SACS: variants seen among roughly 807,000 people sequenced by gnomAD.
SACS encodes sacsin.
A neutral mutation model predicts 348.0 loss-of-function variants in SACS; 197 were observed. The observed-to-expected ratio is 0.57, with a 90% confidence interval of 0.50 to 0.64. SACS has a LOEUF of 0.64. Among genes scored for constraint, SACS ranks in the 30% least tolerant of loss-of-function variants. SACS has a pLI of 0.00. For synonymous variants in SACS, 1,985 were observed against 1,910.6 expected (o/e 1.04, Z -1.02); for missense variants, 4,999 against 5,360.8 (o/e 0.93, Z 2.11).
At position 23,336,650 on chromosome 13, in the gene SACS, T is replaced by G; in HGVS notation, c.7226A>C (p.Gln2409Pro). The G allele has an allele frequency of 6.2e-7, 1 of 1,613,878 alleles. No homozygotes were observed. The highest frequency in any genetic ancestry group is 8.5e-7 in the Non-Finnish European group (1 of 1,179,898). ...DFALVLESID[Q>P]ERGTKQITEE... is the part of the protein sequence containing the mutation. ...TGTTATTTGCTTTGTTCCTCTTTCT[T>G]GATCAATAGATTCCAAAACAAGAGC... The change falls in exon 10 of 10, where the codon CAA becomes CCA. Residue 2409 changes from glutamine (Q) to proline (P), a missense_variant. Coordinates refer to ENST00000382292, the MANE Select transcript of SACS (RefSeq NM_014363.6).
chr13:23,368,894 T>C (rs1871216612), intron 4 of SACS, among the ~76,000 whole-genome samples: 2 of 152,008 alleles, frequency 1.3e-5, no homozygotes, highest in African/African-American at 4.8e-5. Context: ...AGAGATGGGG[T>C]TTCACCATGT....
intron 6 of SACS, among the ~76,000 whole-genome samples, chr13:23,362,375 G>A (rs572377075): frequency 6.6e-6 from 1 of 152,162 alleles, no homozygotes; most frequent in East Asian, 1.9e-4. Flanking sequence ...ATATAAAAAT[G>A]AATAAAAATA....
At chr13:23,354,462 G>A (rs1870184656) in intron 8 of SACS, 57 bp downstream of exon 8, 8 of 1,449,498 alleles carry the variant, frequency 5.5e-6, no homozygotes, top group East Asian at 2.3e-5. Context: ...CTCTCACAGT[G>A]AGCAGGAGCA....
intron 2 of SACS, among the ~76,000 whole-genome samples, chr13:23,390,855 T>C (rs1010078770): frequency 6.6e-6 from 1 of 152,220 alleles, no homozygotes. Flanking sequence ...TCATGTGTTG[T>C]CATGCCCCTC....
chr13:23,432,398 T>G (rs1440054978), intron 1 of SACS, among the ~76,000 whole-genome samples: 1 of 152,006 alleles, frequency 6.6e-6, no homozygotes, highest in Admixed American at 6.6e-5. Flanking sequence ...AAGAAAAAAT[T>G]GCCCAAACAG....
chr13:23,352,013 T>C (rs1222418121), intron 9 of SACS, among the ~76,000 whole-genome samples: 1 of 152,174 alleles, frequency 6.6e-6, no homozygotes, highest in Non-Finnish European at 1.5e-5. Flanking sequence ...CCTAAAAATA[T>C]AACAGGTTTG....
At chr13:23,409,385 T>A (rs1232902478) in intron 2 of SACS, among the ~76,000 whole-genome samples, 2 of 136,062 alleles carry the variant, frequency 1.5e-5, no homozygotes, top group Non-Finnish European at 3.1e-5. Context: ...AAACATGGTG[T>A]TTCACTCTTG....
chr13:23,350,002 C>T (rs1258201207), intron 9 of SACS, among the ~76,000 whole-genome samples: 1 of 152,048 alleles, frequency 6.6e-6, no homozygotes, highest in Non-Finnish European at 1.5e-5. Flanking sequence ...AGGAAGGAGC[C>T]CCCACACTAA....
At chr13:23,429,588 C>T (rs1326647794) in intron 1 of SACS, among the ~76,000 whole-genome samples, 3 of 151,734 alleles carry the variant, frequency 2.0e-5, no homozygotes, top group Non-Finnish European at 2.9e-5. Flanking sequence ...TGGTCTCGAT[C>T]TCCTGACCTC....
At chr13:23,360,305 T>C (rs1009336188) in intron 6 of SACS, among the ~76,000 whole-genome samples, 1 of 151,812 alleles carries the variant, frequency 6.6e-6, no homozygotes. Flanking sequence ...TTAAATATCT[T>C]GTTCCTACCC....
At chr13:23,401,068 G>C (rs974037196) in intron 2 of SACS, among the ~76,000 whole-genome samples, 2 of 152,036 alleles carry the variant, frequency 1.3e-5, no homozygotes, top group Non-Finnish European at 2.9e-5. Flanking sequence ...GAAATTATAA[G>C]AAGTTCCTAG....
intron 9 of SACS, among the ~76,000 whole-genome samples, chr13:23,342,199 C>A (rs1869302053): frequency 1.3e-5 from 2 of 152,090 alleles, no homozygotes; most frequent in African/African-American, 4.8e-5. Flanking sequence ...TCCATATTTA[C>A]AATAACCTGT....
chr13:23,343,697 A>G (rs1315305409), intron 9 of SACS, among the ~76,000 whole-genome samples: 5 of 152,156 alleles, frequency 3.3e-5, no homozygotes, highest in African/African-American at 1.2e-4. Flanking sequence ...AAAATAAATA[A>G]ATAAAAAGAG....
rs1482585635 is a variant in SACS at position 23,340,807 on chromosome 13, A to G, written c.3069T>C (p.Leu1023=). The G allele has an allele frequency of 6.2e-7, 1 of 1,601,178 alleles. No homozygotes were observed. The highest frequency in any genetic ancestry group is 8.5e-7 in the Non-Finnish European group (1 of 1,174,156). The change falls in exon 10 of 10, where the codon CTT becomes CTC. Residue 1023 remains leucine, a synonymous_variant. Transcript: ENST00000382292. The part of the protein sequence containing the change: ...MLWVLENLSS[L]KNENPNVLEW... The stretch of plus-strand genomic sequence containing the variant: ...CAAGCACATTTGGATTCTCATTTTT[A>G]AGAGAAGATAGATTCTCAAGGACCC...
rs1326784716 is a variant in SACS, at chr13:23,365,370, T to C, written c.346-93A>G. On this transcript the variant is annotated intron_variant, in intron 5 of 9. Transcript: ENST00000382292. ...ATCTATAATATTTAAGAAGTTAATATACTTAAATAAAGGAAACCCACTATT... is the reference window on the plus strand; with the variant it reads ...ATCTATAATATTTAAGAAGTTAATACACTTAAATAAAGGAAACCCACTATT... The C allele has an allele frequency of 4.6e-5, 35 of 761,514 alleles. No individual in the cohort carries two copies. In the East Asian group the frequency reaches 8.2e-4, roughly 18 times the overall value. 47.2% of individuals were successfully genotyped at this position (761,514 alleles called of 1,614,324 possible). A position where few individuals can be genotyped will look rare whatever the true frequency, so the allele number is the denominator to read the frequency against.
intron 2 of SACS, among the ~76,000 whole-genome samples, chr13:23,376,145 A>G (rs1450451945): frequency 6.6e-6 from 1 of 152,206 alleles, no homozygotes; most frequent in Non-Finnish European, 1.5e-5. Context: ...AATGTATCCT[A>G]TGACACGTTA....
At position 23,355,601 on chromosome 13, in the gene SACS, C is replaced by G; in HGVS notation, c.1011G>C (p.Glu337Asp). Residue 337 changes from glutamate (E) to aspartate (D), a missense_variant, in exon 8 of 10, where the codon GAG becomes GAC. Glu to Asp is a conservative substitution (Grantham distance 45). This residue lies in a region of SACS where 3,156 missense variants were observed against 3,380.1 expected (regional missense o/e 0.93). Coordinates refer to ENST00000382292, the MANE Select transcript of SACS (RefSeq NM_014363.6). ...EKLVFRVTSSESKALKHERPN... is the reference protein window; with the variant it reads ...EKLVFRVTSSDSKALKHERPN... ...GCCGCTCATGTTTCAGTGCCTTACT[C>G]TCACTCGAAGTCACTCTAAACACCA... 1.2e-6 allele frequency: 2 copies of G among 1,614,172 alleles called. No individual in the cohort carries two copies. Among genetic ancestry groups the G allele is most frequent in the Non-Finnish European group, 1.7e-6 (2 of 1,180,022 alleles).
intron 2 of SACS, among the ~76,000 whole-genome samples, chr13:23,387,114 G>A (rs1049151576): frequency 1.3e-5 from 2 of 151,924 alleles, no homozygotes; most frequent in Non-Finnish European, 2.9e-5. Flanking sequence ...TTGGGAAAAT[G>A]GTGCCAACAG....
chr13:23,340,018 T>A lies in SACS; in HGVS notation c.3858A>T (p.Pro1286=), dbSNP rs1421934290. ...PWVWTGKKFC[P]LAQAVIKPIH... ...TTGGTTTAATCACAGCCTGGGCAAG[T>A]GGACAAAACTTTTTGCCAGTCCAAA... is the stretch of plus-strand genomic sequence containing the variant. Residue 1286 remains proline (P), a synonymous_variant, in exon 10 of 10, where the codon CCA becomes CCT. Coordinates refer to ENST00000382292, the MANE Select transcript of SACS (RefSeq NM_014363.6). 1 of 1,613,450 alleles carries A rather than the reference T, an allele frequency of 6.2e-7. No homozygotes were observed. The highest frequency in any genetic ancestry group is 1.3e-5 in the African/African-American group (1 of 74,888).
Sources: gnomAD v4.1 joint callset for allele counts (sites outside exome capture counted in the v4.1 genomes callset) on GRCh38, gnomAD v4.1.1 for gene constraint, gnomAD v4.1.1 regional missense constraint, MANE v1.5 for transcripts, NCBI Gene and HGNC (gene_info 2026-07-23, HGNC 2026-07-21) for gene names.